The following OPCML variants were observed in gnomAD, a reference collection of about 807,000 sequenced individuals.
OPCML encodes the protein opioid-binding protein/cell adhesion molecule.
A neutral mutation model predicts 37.8 loss-of-function variants in OPCML; 13 were observed. The observed-to-expected ratio is 0.34, with a 90% confidence interval of 0.22 to 0.55. OPCML has a LOEUF of 0.55. Among genes scored for constraint, OPCML ranks in the 20% least tolerant of loss-of-function variants. The pLI is 0.91. For missense variants in OPCML, 341 were observed against 435.6 expected (o/e 0.78, Z 1.93); for synonymous variants, 176 against 168.8 (o/e 1.04, Z -0.33).
intron 1 of OPCML, among the ~76,000 whole-genome samples, chr11:133,224,117 G>T (rs1300396587): frequency 6.6e-6 from 1 of 152,142 alleles, no homozygotes; most frequent in Non-Finnish European, 1.5e-5. Flanking sequence ...CCAATGCTTT[G>T]TAATCCTCCA....
intron 1 of OPCML, among the ~76,000 whole-genome samples, chr11:133,466,194 T>C (rs1591532308): frequency 6.6e-6 from 1 of 152,208 alleles, no homozygotes; most frequent in South Asian, 2.1e-4. Flanking sequence ...ATGTGGAAAA[T>C]TTTAAGTTTT....
At chr11:132,574,498 T>A (rs1051981587) in intron 3 of OPCML, among the ~76,000 whole-genome samples, 23 of 151,904 alleles carry the variant, frequency 1.5e-4, no homozygotes, top group South Asian at 2.1e-4. Context: ...CATAATTTTT[T>A]AAAAAATTCT....
chr11:133,507,448 G>A (rs1453704343), intron 1 of OPCML, among the ~76,000 whole-genome samples: 1 of 152,148 alleles, frequency 6.6e-6, no homozygotes, highest in Non-Finnish European at 1.5e-5. Context: ...GAGGAAATTG[G>A]GGCTGAGAAA....
intron 3 of OPCML, among the ~76,000 whole-genome samples, chr11:132,535,673 G>T (rs750207448): frequency 1.2e-4 from 19 of 152,324 alleles, no homozygotes; most frequent in African/African-American, 4.6e-4. Context: ...GCCAGACCCA[G>T]TGAGAGGGGT....
intron 2 of OPCML, among the ~76,000 whole-genome samples, chr11:132,690,898 G>T (rs563983681): frequency 6.6e-6 from 1 of 152,312 alleles, no homozygotes; most frequent in African/African-American, 2.4e-5. Context: ...AAGAAATTAA[G>T]AGATTCCATA....
chr11:132,864,198 A>T (rs574521238), intron 2 of OPCML, among the ~76,000 whole-genome samples: 71 of 152,216 alleles, frequency 4.7e-4, no homozygotes, highest in African/African-American at 1.7e-3. Flanking sequence ...TCGGCCTCTC[A>T]TAGTGCTGGG....
At position 133,421,211 on chromosome 11, in the gene OPCML, G is replaced by A. The variant is rs143712244; in HGVS notation, c.61+111053C>T. 440 of 985,336 alleles carry A rather than the reference G, an allele frequency of 4.5e-4. 2 individuals are homozygous for A. The African/African-American group carries it at 6.6e-3, about 15-fold the overall frequency. The allele number at this position is 985,336 out of a possible 1,614,324, so 61.0% of individuals were successfully genotyped here. ...TCAGTTGCAAGGGAAAGAGCAATGC[G>A]TTCCAAGAAGCAAGATCAAAGCCCA... On this transcript the variant is annotated intron_variant, in intron 1 of 7. Transcript: ENST00000524381.
At chr11:133,008,503 G>A in intron 1 of OPCML, 4 of 865,728 alleles carry the variant, frequency 4.6e-6, no homozygotes, top group Non-Finnish European at 5.5e-6. Context: ...TATTTCTCCA[G>A]GTGCCAGGAA....
chr11:132,829,281 T>A (rs1182656229), intron 2 of OPCML, among the ~76,000 whole-genome samples: 1 of 152,182 alleles, frequency 6.6e-6, no homozygotes, highest in African/African-American at 2.4e-5. Context: ...AGCTAGGATA[T>A]AGTAGGTGCT....
intron 3 of OPCML, among the ~76,000 whole-genome samples, chr11:132,637,871 G>C (rs1196032259): frequency 1.3e-5 from 2 of 151,978 alleles, no homozygotes; most frequent in African/African-American, 4.8e-5. Context: ...GAGGTCACCT[G>C]CTCTTCCATG....
At chr11:133,117,511 C>G (rs1390768841) in intron 1 of OPCML, among the ~76,000 whole-genome samples, 2 of 152,150 alleles carry the variant, frequency 1.3e-5, no homozygotes, top group Non-Finnish European at 2.9e-5. Flanking sequence ...CCCTCTCTTT[C>G]TCTCACTCTC....
rs1201900555 is a variant in OPCML at position 132,416,752 on chromosome 11, G to C, written c.*3441C>G. The C allele has an allele frequency of 6.6e-6, 1 of 152,368 alleles. No homozygotes were observed. Among genetic ancestry groups the C allele is most frequent in the African/African-American group, 2.4e-5 (1 of 41,436 alleles). 9.4% of individuals were successfully genotyped at this position (152,368 alleles called of 1,614,324 possible). A position where few individuals can be genotyped will look rare whatever the true frequency, so the allele number is the denominator to read the frequency against. On this transcript the variant is annotated 3_prime_UTR_variant, in exon 8 of 8. Transcript: ENST00000524381. ...AGTTGCAGCAGAACAGCCATGCGCA[G>C]TGCTCTGCATAAAGCCTGTACATGT... is the stretch of plus-strand genomic sequence containing the variant.
At chr11:132,693,507 A>G (rs901540010) in intron 2 of OPCML, among the ~76,000 whole-genome samples, 3 of 152,242 alleles carry the variant, frequency 2.0e-5, no homozygotes, top group African/African-American at 7.2e-5. Flanking sequence ...TCCTGTGGGC[A>G]AAGGTAATAA....
intron 1 of OPCML, chr11:133,301,886 T>A (rs1434966180): frequency 6.6e-6 from 1 of 152,190 alleles, no homozygotes; most frequent in Non-Finnish European, 1.5e-5. Flanking sequence ...AGAAACTATA[T>A]GGACTCAAAT....
intron 1 of OPCML, among the ~76,000 whole-genome samples, chr11:132,968,747 T>G (rs1018418325): frequency 2.0e-5 from 3 of 152,180 alleles, no homozygotes; most frequent in Admixed American, 1.3e-4. Flanking sequence ...TTCCAGGAAT[T>G]TTTTTGTTGT....
chr11:133,244,286 C>T (rs959045285), intron 1 of OPCML, among the ~76,000 whole-genome samples: 6 of 152,058 alleles, frequency 3.9e-5, no homozygotes, highest in African/African-American at 1.4e-4. Flanking sequence ...AACGACAAGG[C>T]ATGGACATAC....
At chr11:132,789,322 A>C (rs754445123) in intron 2 of OPCML, among the ~76,000 whole-genome samples, 1 of 152,248 alleles carries the variant, frequency 6.6e-6, no homozygotes, top group Non-Finnish European at 1.5e-5. Context: ...CAACAAATGC[A>C]TATGAATGTG....
intron 1 of OPCML, among the ~76,000 whole-genome samples, chr11:133,354,436 T>C (rs1037530911): frequency 2.6e-5 from 4 of 152,028 alleles, no homozygotes; most frequent in African/African-American, 7.3e-5. Flanking sequence ...AACAACCCTA[T>C]AAAGGAGATA....
At chr11:133,260,521 G>T (rs1941457513) in intron 1 of OPCML, among the ~76,000 whole-genome samples, 1 of 152,108 alleles carries the variant, frequency 6.6e-6, no homozygotes, top group Admixed American at 6.5e-5. Flanking sequence ...CATCTGGACT[G>T]AATGTGGGGT....
Sources: gnomAD v4.1 joint callset for allele counts (sites outside exome capture counted in the v4.1 genomes callset) on GRCh38, gnomAD v4.1.1 for gene constraint, MANE v1.5 for transcripts, NCBI Gene and HGNC (gene_info 2026-07-23, HGNC 2026-07-21) for gene names.